RMDN1: variants seen among roughly 807,000 people sequenced by gnomAD.
The protein encoded by RMDN1 is regulator of microtubule dynamics 1, also known as regulator of microtubule dynamics protein 1.
A neutral mutation model predicts 48.9 loss-of-function variants in RMDN1; 48 were observed. The ratio of observed to expected loss-of-function variants is 0.98; its 90% CI spans 0.78 to 1.25. The LOEUF (loss-of-function observed/expected upper bound fraction) is 1.25, where lower values mean the gene tolerates loss of function less well. Among genes scored for constraint, RMDN1 ranks in the 50% most tolerant of loss-of-function variants. RMDN1 has a pLI of 0.00. For synonymous variants in RMDN1, 148 were observed against 132.6 expected, an observed-to-expected ratio of 1.12 and a Z score of -0.80; for missense variants, 418 against 373.4, an observed-to-expected ratio of 1.12 and a Z score of -0.98.
At chr8:86,481,560 C>CTTTTTTT (rs71275857) in intron 5 of RMDN1, among the ~76,000 whole-genome samples, 8 of 104,484 alleles carry the variant, frequency 7.7e-5, no homozygotes, top group African/African-American at 1.4e-4. Context: ...ATTAATTTTC[C>CTTTTTTT]TTTTTTTTTT....
chr8:86,508,863 G>T, upstream of RMDN1: 1 of 1,157,308 alleles, frequency 8.6e-7, no homozygotes, highest in East Asian at 3.6e-5. Context: ...CAGGACTGAG[G>T]CCGTGAGAGC....
intron 2 of RMDN1, among the ~76,000 whole-genome samples, chr8:86,499,020 C>T (rs561792400): frequency 1.9e-4 from 29 of 152,238 alleles, no homozygotes; most frequent in African/African-American, 5.8e-4. Context: ...AATTCAACAT[C>T]GCTTTACCTT....
intron 8 of RMDN1, among the ~76,000 whole-genome samples, chr8:86,476,899 C>T (rs189766734): frequency 6.6e-6 from 1 of 152,174 alleles, no homozygotes; most frequent in East Asian, 1.9e-4. Context: ...TGAGGTCTCG[C>T]TATGTTGCCC....
rs757509509 is a variant in RMDN1 at position 86,488,601 on chromosome 8, T to TTG, written c.285_286insCA (p.Ser96GlnfsTer12). The stretch of plus-strand genomic sequence containing the variant: ...TGATAAAGTTTTTCTGTTTCTCCGC[T>TTG]TTCATACAGGTAGTCTGCTTGTTCA... On this transcript the variant is annotated frameshift_variant, in exon 3 of 10. Coordinates refer to ENST00000406452, the MANE Select transcript of RMDN1 (RefSeq NM_016033.3). LOFTEE classifies it high-confidence loss of function. 6.2e-7 allele frequency: 1 copy of TTG among 1,611,206 alleles called. No homozygotes were observed. Among genetic ancestry groups the TTG allele is most frequent in the African/African-American group, 1.3e-5 (1 of 74,820 alleles).
In RMDN1 at chr8:86,507,081, C is replaced by T; in HGVS notation, c.161G>A (p.Gly54Asp). The T allele has an allele frequency of 6.2e-7, 1 of 1,611,918 alleles. No individual in the cohort carries two copies. The highest frequency in any genetic ancestry group is 2.2e-5 in the East Asian group (1 of 44,862). The change falls in exon 2 of 10, where the codon GGC (glycine) becomes GAC (aspartate). Residue 54 changes from glycine (G) to aspartate (D), a missense_variant. Gly to Asp is a moderately conservative substitution (Grantham distance 94). Coordinates refer to ENST00000406452, the MANE Select transcript of RMDN1 (RefSeq NM_016033.3). ...VMGNPGTFKR[G>D]LLLSALSYLG... ...ATACGACAAAGCTGAGAGTAAAAGG[C>T]CTCTTTTGAAAGTTCCTGGGTTTCC...
intron 2 of RMDN1, chr8:86,494,867 G>A: frequency 2.6e-6 from 1 of 378,092 alleles, no homozygotes; most frequent in South Asian, 2.0e-5. Context: ...CCAGCTACTT[G>A]GGAGGCTGAG....
At chr8:86,479,508 G>A (rs1813976075) in intron 6 of RMDN1, among the ~76,000 whole-genome samples, 2 of 152,144 alleles carry the variant, frequency 1.3e-5, no homozygotes, top group Admixed American at 1.3e-4. Context: ...AAATAAGTAG[G>A]AAAGAAAGTG....
chr8:86,472,496 A>C lies in RMDN1; in HGVS notation c.*1812T>G, dbSNP rs1201622283. On this transcript the variant is annotated 3_prime_UTR_variant, in exon 10 of 10. Coordinates refer to ENST00000406452, the MANE Select transcript of RMDN1 (RefSeq NM_016033.3). ...TCTCTTCACCTACAAAAATAAAATT[A>C]CAGTATACAATAACCTTTTAAAATA... is the stretch of plus-strand genomic sequence containing the variant. The C allele has an allele frequency of 1.4e-6, 1 of 702,456 alleles. No individual in the cohort carries two copies. Among genetic ancestry groups the C allele is most frequent in the Admixed American group, 2.0e-5 (1 of 49,966 alleles). 43.5% of individuals were successfully genotyped at this position (702,456 alleles called of 1,614,324 possible). A position where few individuals can be genotyped will look rare whatever the true frequency, so the allele number is the denominator to read the frequency against.
Position 86,474,014 on chromosome 8 carries a change from C to T in RMDN1, c.*294G>A. ...CTACAAATATTTCTTTGCTTGATCTCCCATCCCAATGTGATCAATCCTTAG... is the reference window on the plus strand; with the variant it reads ...CTACAAATATTTCTTTGCTTGATCTTCCATCCCAATGTGATCAATCCTTAG... On this transcript the variant is annotated 3_prime_UTR_variant, in exon 10 of 10. Coordinates refer to ENST00000406452, the MANE Select transcript of RMDN1 (RefSeq NM_016033.3). 9.1e-7 allele frequency: 1 copy of T among 1,096,738 alleles called. No individual in the cohort carries two copies. Among genetic ancestry groups the T allele is most frequent in the Non-Finnish European group, 1.1e-6 (1 of 900,854 alleles). The allele number at this position is 1,096,738 out of a possible 1,614,324, so 67.9% of individuals were successfully genotyped here. A position where few individuals can be genotyped will look rare whatever the true frequency, so the allele number is the denominator to read the frequency against.
At chr8:86,479,773 T>C (rs1404096659) in intron 6 of RMDN1, among the ~76,000 whole-genome samples, 2 of 151,676 alleles carry the variant, frequency 1.3e-5, no homozygotes, top group Non-Finnish European at 2.9e-5. Context: ...CAAAAGAGTG[T>C]CCCATCTATC....
At chr8:86,486,707 A>C (rs1815550560) in intron 3 of RMDN1, 64 bp from the exon 4 acceptor site, 15 of 1,296,922 alleles carry the variant, frequency 1.2e-5, no homozygotes, top group Non-Finnish European at 1.6e-5. Context: ...TAAGGGTTAC[A>C]TTACTAATGA....
At chr8:86,475,108 A>G (rs777885312) in intron 8 of RMDN1, 155 bp from the exon 9 acceptor site, 39 of 547,498 alleles carry the variant, frequency 7.1e-5, no homozygotes, top group Non-Finnish European at 1.0e-4. Flanking sequence ...TATATCTCAA[A>G]CAAATATTTG....
chr8:86,474,948 G>A lies in RMDN1; in HGVS notation c.766C>T (p.Pro256Ser). The A allele has an allele frequency of 6.2e-7, 1 of 1,603,986 alleles. No homozygotes were observed. Among genetic ancestry groups the A allele is most frequent in the South Asian group, 1.1e-5 (1 of 88,922 alleles). Residue 256 changes from proline (P) to serine (S), a missense_variant, in exon 9 of 10, where the codon CCA (proline) becomes TCA (serine). By Grantham distance (74) the Pro-to-Ser change is moderately conservative. Transcript: ENST00000406452. Reference protein sequence around the residue: ...GYFHRAEQVDPNFYSKNLLLL... With the variant: ...GYFHRAEQVDSNFYSKNLLLL... ...AGTAAGTTTTTGCTGTAGAAGTTTG[G>A]ATCCACTGCACATAAGAAAGAAAAA...
chr8:86,504,481 G>A, intron 2 of RMDN1: 1 of 1,548,944 alleles, frequency 6.5e-7, no homozygotes, highest in Non-Finnish European at 8.9e-7. Flanking sequence ...CAAGGATGCA[G>A]GTGTTCAAGA....
chr8:86,508,212 C>T (rs1746726283), intron 1 of RMDN1: 1 of 395,010 alleles, frequency 2.5e-6, no homozygotes, highest in Admixed American at 4.6e-5. Context: ...GGTTCTTTCC[C>T]GTCCTGTTTT....
intron 2 of RMDN1, among the ~76,000 whole-genome samples, chr8:86,496,366 G>A (rs965266704): frequency 6.6e-6 from 1 of 152,184 alleles, no homozygotes; most frequent in African/African-American, 2.4e-5. Flanking sequence ...GTTGGATAAA[G>A]ATGCATAACC....
In RMDN1 at chr8:86,480,271, T is replaced by C; in HGVS notation, c.641+6A>G. ...ACTACTGAAATATTTAAAGAAATTT[T>C]CTTACCAAATACCCATAAGGTGAAT... On this transcript the variant is annotated splice_donor_region_variant and intron_variant, in intron 6 of 9. Coordinates refer to ENST00000406452, the MANE Select transcript of RMDN1 (RefSeq NM_016033.3). 6.8e-7 allele frequency: 1 copy of C among 1,477,290 alleles called. No individual in the cohort carries two copies. Among genetic ancestry groups the C allele is most frequent in the Non-Finnish European group, 9.2e-7 (1 of 1,082,094 alleles). 91.5% of individuals were successfully genotyped at this position (1,477,290 alleles called of 1,614,324 possible).
chr8:86,475,921 G>A (rs972986411), intron 8 of RMDN1, among the ~76,000 whole-genome samples: 1 of 152,140 alleles, frequency 6.6e-6, no homozygotes, highest in African/African-American at 2.4e-5. Context: ...CAAGTAATGA[G>A]TGTGCAATTG....
Position 86,473,129 on chromosome 8 carries a change from C to T in RMDN1, c.*1179G>A, listed in dbSNP as rs1321270751. ...TCACTGAATCTAAGAGATGGGTATA[C>T]AAAGATCACTACTTTCAGTTTTCCT... is the stretch of plus-strand genomic sequence containing the variant. On this transcript the variant is annotated 3_prime_UTR_variant, in exon 10 of 10. Transcript: ENST00000406452. 1.5e-5 allele frequency: 15 copies of T among 985,186 alleles called. No individual in the cohort carries two copies. The highest frequency in any genetic ancestry group is 1.7e-5 in the Non-Finnish European group (14 of 829,870). The allele number at this position is 985,186 out of a possible 1,614,324, so 61.0% of individuals were successfully genotyped here.
Sources: gnomAD v4.1 joint callset for allele counts (sites outside exome capture counted in the v4.1 genomes callset) on GRCh38, gnomAD v4.1.1 for gene constraint, MANE v1.5 for transcripts, NCBI Gene and HGNC (gene_info 2026-07-23, HGNC 2026-07-21) for gene names.